USP40: variants seen among roughly 807,000 people sequenced by gnomAD.
The protein encoded by USP40 is ubiquitin specific peptidase 40.
In USP40, 143 loss-of-function variants were observed where a neutral mutation model predicts 166.2. The observed-to-expected ratio is 0.86, with a 90% CI of 0.75 to 0.99. The LOEUF is 0.99. USP40 is among the 50% of genes least tolerant of loss of function. The pLI, the probability that USP40 is intolerant of heterozygous loss-of-function variation, is 0.00. For synonymous variants in USP40, 498 were observed against 524.0 expected, an observed-to-expected ratio of 0.95 and a Z score of 0.68; for missense variants, 1,444 against 1,479.7, an observed-to-expected ratio of 0.98 and a Z score of 0.40.
At chr2:233,522,348 A>G (rs2067716664) in intron 16 of USP40, among the ~76,000 whole-genome samples, 1 of 152,206 alleles carries the variant, frequency 6.6e-6, no homozygotes, top group Admixed American at 6.5e-5. Context: ...CCTTTTATAA[A>G]GGAAATACAG....
intron 15 of USP40, among the ~76,000 whole-genome samples, chr2:233,523,903 TA>T (rs1017268075): frequency 5.9e-5 from 9 of 152,180 alleles, no homozygotes; most frequent in Admixed American, 5.2e-4. Context: ...ACAGACCCCC[TA>T]CTCCAGCACG....
At chr2:233,489,585 A>C in intron 26 of USP40, 102 bp from the exon 27 acceptor site, 1 of 880,088 alleles carries the variant, frequency 1.1e-6, no homozygotes, top group South Asian at 1.8e-5. Flanking sequence ...TGGCATCTCA[A>C]GGAAAGAGTA....
intron 10 of USP40, 37 bp downstream of exon 10, chr2:233,540,625 T>C (rs1170957331): frequency 3.7e-6 from 5 of 1,347,006 alleles, no homozygotes; most frequent in South Asian, 1.3e-5. Context: ...TGAAATTTCT[T>C]GGGACTAGGA....
intron 27 of USP40, among the ~76,000 whole-genome samples, 151 bp from the exon 28 acceptor site, chr2:233,488,455 A>C (rs145310402): frequency 6.6e-6 from 1 of 152,362 alleles, no homozygotes; most frequent in East Asian, 1.9e-4. Context: ...AGGGGAAAAA[A>C]TGAGAATCCT....
At chr2:233,479,883 AGAGG>A (rs879550491) in intron 31 of USP40, among the ~76,000 whole-genome samples, 1 of 152,092 alleles carries the variant, frequency 6.6e-6, no homozygotes, top group African/African-American at 2.4e-5. Flanking sequence ...CGGAGAGCAG[AGAGG>A]AAGGGGCCCT....
rs780798911 is a variant in USP40 at position 233,485,598 on chromosome 2, T to C, written c.3437A>G (p.Lys1146Arg). ...WNQQITKRKK[K>R]KKQDYLQGAP... ...CCCTTGCAAATAATCTTGTTTTTTT[T>C]TCTTTTTCCTCTTGGTTATTTGTTG... The change falls in exon 30 of 32, where the codon AAA becomes AGA. Residue 1146 changes from lysine (K) to arginine (R), a missense_variant. Physicochemically the swap from Lys to Arg is conservative, Grantham distance 26. Coordinates refer to ENST00000678225, the MANE Select transcript of USP40 (RefSeq NM_001365479.2). 6.2e-7 allele frequency: 1 copy of C among 1,613,934 alleles called. No homozygotes were observed. The highest frequency in any genetic ancestry group is 8.5e-7 in the Non-Finnish European group (1 of 1,179,834).
chr2:233,559,210 G>A (rs1220094833), intron 4 of USP40, among the ~76,000 whole-genome samples: 1 of 152,114 alleles, frequency 6.6e-6, no homozygotes, highest in Non-Finnish European at 1.5e-5. Context: ...ATGCCTTTTA[G>A]AACTCAAACA....
Position 233,489,866 on chromosome 2 carries a change from G to A in USP40, c.3013-383C>T, listed in dbSNP as rs141412610. On this transcript the variant is annotated intron_variant, in intron 26 of 31. Transcript: ENST00000678225. ...AGGGACACAACAGCAGCCTTCTTCC[G>A]TGCCCGCGCAATCCTCCACCAGTGT... The A allele has an allele frequency of 2.7e-4, 45 of 167,614 alleles. No individual in the cohort carries two copies. In the East Asian group the frequency reaches 6.8e-3, roughly 25 times the overall value. The allele number at this position is 167,614 out of a possible 1,614,324, so 10.4% of individuals were successfully genotyped here. A position where few individuals can be genotyped will look rare whatever the true frequency, so the allele number is the denominator to read the frequency against.
At chr2:233,492,715 A>G (rs1354570567) in intron 25 of USP40, 2 of 152,248 alleles carry the variant, frequency 1.3e-5, no homozygotes, top group Middle Eastern at 3.2e-3. Flanking sequence ...AAAAAGAAAT[A>G]TAAGTAATAT....
At chr2:233,494,606 C>T (rs2065545926) in intron 24 of USP40, among the ~76,000 whole-genome samples, 1 of 151,876 alleles carries the variant, frequency 6.6e-6, no homozygotes, top group African/African-American at 2.4e-5. Context: ...TGGCTCACAG[C>T]TGTAATCCCA....
chr2:233,549,107 C>A lies in USP40; in HGVS notation c.960G>T (p.Gln320His). 1 of 1,595,582 alleles carries A rather than the reference C, an allele frequency of 6.3e-7. No individual in the cohort carries two copies. Among genetic ancestry groups the A allele is most frequent in the Non-Finnish European group, 8.5e-7 (1 of 1,172,508 alleles). The part of the protein sequence containing the change: ...IKDVDHLGNW[Q>H]FQEEKSKPDV... Reference sequence around the variant, plus strand: ...AACGAATTTCTATACGTACTTGAAACTGCCAGTTTCCCAAATGATCAACAT... The same window carrying A: ...AACGAATTTCTATACGTACTTGAAAATGCCAGTTTCCCAAATGATCAACAT... The change falls in exon 8 of 32, where the codon CAG (glutamine) becomes CAT (histidine). Residue 320 changes from glutamine to histidine, a missense_variant. By Grantham distance (24) the Gln-to-His change is conservative (BLOSUM62 0). Coordinates refer to ENST00000678225, the MANE Select transcript of USP40 (RefSeq NM_001365479.2).
rs2064553935 is a variant in USP40, at chr2:233,481,102, A to G, written c.3599+101T>C. 12 of 1,151,534 alleles carry G rather than the reference A, an allele frequency of 1.0e-5. No homozygotes were observed. The South Asian group carries it at 1.7e-4, about 17-fold the overall frequency. 71.3% of individuals were successfully genotyped at this position (1,151,534 alleles called of 1,614,324 possible). ...CTGGTGTGCTTTGTGTGCACTCTGA[A>G]TCAACAAGAGTTTCCGGTCCCTCTC... On this transcript the variant is annotated intron_variant, in intron 31 of 31. Transcript: ENST00000678225.
intron 26 of USP40, 190 bp downstream of exon 26, chr2:233,490,977 T>A: frequency 1.4e-6 from 1 of 704,280 alleles, no homozygotes. Context: ...GAGGGACCAG[T>A]GAGGCCACGA....
intron 31 of USP40, among the ~76,000 whole-genome samples, chr2:233,479,768 G>T (rs1400608377): frequency 6.6e-6 from 1 of 152,034 alleles, no homozygotes; most frequent in East Asian, 1.9e-4. Context: ...GCTGCGAATG[G>T]GGGTGAGGCC....
In USP40 at chr2:233,556,779, G is replaced by C. The variant is rs2071136271; in HGVS notation, c.546+76C>G. On this transcript the variant is annotated intron_variant, in intron 5 of 31. Coordinates refer to ENST00000678225, the MANE Select transcript of USP40 (RefSeq NM_001365479.2). ...TAATAAACACTTTAATCCTTGTGTG[G>C]TATATATCATACATTTAATTACATG... 8 of 1,363,246 alleles carry C rather than the reference G, an allele frequency of 5.9e-6. No individual in the cohort carries two copies. In the South Asian group the frequency reaches 1.1e-4, roughly 19 times the overall value. The allele number at this position is 1,363,246 out of a possible 1,614,324, so 84.4% of individuals were successfully genotyped here.
At chr2:233,491,590 C>T (rs2065344637) in intron 25 of USP40, among the ~76,000 whole-genome samples, 1 of 142,164 alleles carries the variant, frequency 7.0e-6, no homozygotes, top group Non-Finnish European at 1.5e-5. Context: ...AACACTCATC[C>T]CAACCTGTTC....
chr2:233,525,224 T>G (rs774911202), intron 14 of USP40, among the ~76,000 whole-genome samples: 8 of 152,184 alleles, frequency 5.3e-5, no homozygotes, highest in Non-Finnish European at 1.2e-4. Context: ...TTCAAGAAAT[T>G]TTAGTAGAGG....
At chr2:233,509,186 A>G (rs977940156) in intron 21 of USP40, among the ~76,000 whole-genome samples, 1 of 152,204 alleles carries the variant, frequency 6.6e-6, no homozygotes, top group Admixed American at 6.5e-5. Flanking sequence ...TGGAAAAAAA[A>G]TTTTTTAAGA....
chr2:233,479,426 A>G (rs973106002), intron 31 of USP40, among the ~76,000 whole-genome samples: 4 of 152,024 alleles, frequency 2.6e-5, no homozygotes, highest in South Asian at 4.2e-4. Context: ...AGCTGGGCAT[A>G]GTGGTGCACG....
Sources: gnomAD v4.1 joint callset for allele counts (sites outside exome capture counted in the v4.1 genomes callset) on GRCh38, gnomAD v4.1.1 for gene constraint, MANE v1.5 for transcripts, NCBI Gene and HGNC (gene_info 2026-07-23, HGNC 2026-07-21) for gene names.